PTTG1IP2: variants seen among roughly 807,000 people sequenced by gnomAD.
PTTG1IP2 encodes PTTG1IP family member 2.
intron 6 of PTTG1IP2, among the ~76,000 whole-genome samples, chr7:90,511,748 A>G (rs964783495): frequency 6.6e-6 from 1 of 152,166 alleles, no homozygotes; most frequent in African/African-American, 2.4e-5. Flanking sequence ...TCAATAGAGT[A>G]TAGAATCCCA....
chr7:90,507,578 C>A (rs537553018), intron 6 of PTTG1IP2, among the ~76,000 whole-genome samples: 2 of 152,026 alleles, frequency 1.3e-5, no homozygotes, highest in Admixed American at 1.3e-4. Flanking sequence ...AGGGAAGGAG[C>A]CAGGCAAGAT....
chr7:90,509,787 A>G (rs1798164576), intron 6 of PTTG1IP2, among the ~76,000 whole-genome samples: 1 of 152,180 alleles, frequency 6.6e-6, no homozygotes, highest in Non-Finnish European at 1.5e-5. Context: ...TGGGACACAC[A>G]GTGCTGAGGT....
At chr7:90,482,386 G>C (rs904108391) in intron 2 of PTTG1IP2, among the ~76,000 whole-genome samples, 2 of 151,908 alleles carry the variant, frequency 1.3e-5, no homozygotes, top group Non-Finnish European at 2.9e-5. Flanking sequence ...TTAACTGTAA[G>C]GGAATCTTCC....
At chr7:90,508,915 G>A (rs987869838) in intron 6 of PTTG1IP2, among the ~76,000 whole-genome samples, 12 of 152,140 alleles carry the variant, frequency 7.9e-5, no homozygotes, top group African/African-American at 2.2e-4. Context: ...AGACATGTGT[G>A]CGCAGTGGCC....
At chr7:90,497,313 C>G (rs1002444517) in intron 6 of PTTG1IP2, among the ~76,000 whole-genome samples, 20 of 152,044 alleles carry the variant, frequency 1.3e-4, no homozygotes, top group Non-Finnish European at 2.8e-4. Context: ...GCCTGTAATC[C>G]CAACACTTTG....
chr7:90,512,065 TTGAG>T (rs1210548484), intron 6 of PTTG1IP2, among the ~76,000 whole-genome samples: 1 of 152,152 alleles, frequency 6.6e-6, no homozygotes, highest in Non-Finnish European at 1.5e-5. Context: ...AATGATAAGA[TTGAG>T]TAAGTGATAA....
intron 2 of PTTG1IP2, among the ~76,000 whole-genome samples, chr7:90,480,328 T>G (rs1020752696): frequency 6.6e-6 from 1 of 152,208 alleles, no homozygotes; most frequent in Non-Finnish European, 1.5e-5. Flanking sequence ...CCCTCTTCCA[T>G]AGACTTCCTT....
intron 6 of PTTG1IP2, among the ~76,000 whole-genome samples, chr7:90,510,612 A>G (rs1260122903): frequency 1.3e-5 from 2 of 152,174 alleles, no homozygotes; most frequent in Non-Finnish European, 2.9e-5. Context: ...TATGGTAGGA[A>G]TGTGTGAAGA....
At chr7:90,472,821 C>T (rs1797706945) in intron 1 of PTTG1IP2, among the ~76,000 whole-genome samples, 1 of 152,156 alleles carries the variant, frequency 6.6e-6, no homozygotes, top group Admixed American at 6.5e-5. Context: ...CTTCATATAG[C>T]CATCTTTAAG....
chr7:90,497,103 A>C (rs1171669772), intron 6 of PTTG1IP2, among the ~76,000 whole-genome samples: 1 of 152,194 alleles, frequency 6.6e-6, no homozygotes, highest in Non-Finnish European at 1.5e-5. Flanking sequence ...TTTGTGGCCT[A>C]ACATATGGTC....
chr7:90,489,430 G>C (rs918060294), intron 4 of PTTG1IP2, among the ~76,000 whole-genome samples: 1 of 151,608 alleles, frequency 6.6e-6, no homozygotes, highest in Non-Finnish European at 1.5e-5. Context: ...TAGATCTTAA[G>C]ATTACTAATA....
intron 1 of PTTG1IP2, chr7:90,470,322 A>G (rs922522888): frequency 3.9e-5 from 6 of 152,090 alleles, no homozygotes; most frequent in African/African-American, 1.2e-4. Flanking sequence ...AAAATGCTTT[A>G]TTTGTTCTTT....
chr7:90,482,825 CACTA>C (rs1019542406), intron 2 of PTTG1IP2, among the ~76,000 whole-genome samples: 4 of 152,138 alleles, frequency 2.6e-5, no homozygotes, highest in African/African-American at 4.8e-5. Flanking sequence ...ACATCTTTCT[CACTA>C]ACTGTGACCT....
intron 1 of PTTG1IP2, among the ~76,000 whole-genome samples, chr7:90,471,285 A>ACCC (rs1312564881): frequency 1.3e-5 from 2 of 152,190 alleles, no homozygotes; most frequent in Non-Finnish European, 2.9e-5. Flanking sequence ...ATCCTCATCT[A>ACCC]TGTCCCAGAT....
intron 1 of PTTG1IP2, chr7:90,470,329 C>A (rs1436566118): frequency 6.6e-6 from 1 of 152,026 alleles, no homozygotes; most frequent in African/African-American, 2.4e-5. Context: ...TTTATTTGTT[C>A]TTTTTCATAA....
At chr7:90,484,727 T>G (rs1191534607) in intron 2 of PTTG1IP2, among the ~76,000 whole-genome samples, 1 of 152,166 alleles carries the variant, frequency 6.6e-6, no homozygotes, top group East Asian at 1.9e-4. Context: ...ACTAATTTAA[T>G]AAAAAGGGGA....
chr7:90,506,081 C>T (rs1359693621), intron 6 of PTTG1IP2, among the ~76,000 whole-genome samples: 2 of 147,970 alleles, frequency 1.4e-5, no homozygotes, highest in Non-Finnish European at 3.0e-5. Flanking sequence ...ATGGTAATTA[C>T]ACACTTACAA....
chr7:90,472,726 C>T (rs1365344612), intron 1 of PTTG1IP2, among the ~76,000 whole-genome samples: 1 of 152,212 alleles, frequency 6.6e-6, no homozygotes. Flanking sequence ...CAGCCTCTTT[C>T]ATCACCTGCA....
intron 4 of PTTG1IP2, among the ~76,000 whole-genome samples, chr7:90,490,163 G>T (rs1293068665): frequency 2.0e-5 from 3 of 151,692 alleles, no homozygotes; most frequent in Non-Finnish European, 4.4e-5. Flanking sequence ...TTTTCCTTTT[G>T]GTGGAGTACC....
Sources: gnomAD v4.1 joint callset for allele counts (sites outside exome capture counted in the v4.1 genomes callset) on GRCh38, gnomAD v4.1.1 for gene constraint, MANE v1.5 for transcripts, NCBI Gene and HGNC (gene_info 2026-07-23, HGNC 2026-07-21) for gene names.